Variants in GPATCH2 observed in about 807,000 individuals in gnomAD.
The protein encoded by GPATCH2 is G patch domain-containing protein 2.
In GPATCH2, 51 loss-of-function variants were observed where a neutral mutation model predicts 58.0. The observed-to-expected ratio is 0.88, with a 90% CI of 0.70 to 1.11. The LOEUF is 1.11. Ranked by LOEUF, GPATCH2 falls within the 50% of genes most tolerant of loss-of-function variation. GPATCH2 has a pLI of 0.00. For synonymous variants in GPATCH2, 222 were observed against 218.5 expected, an observed-to-expected ratio of 1.02 and a Z score of -0.14; for missense variants, 625 against 652.2, an observed-to-expected ratio of 0.96 and a Z score of 0.45.
At chr1:217,443,076 T>A (rs1659223013) in intron 9 of GPATCH2, among the ~76,000 whole-genome samples, 1 of 152,200 alleles carries the variant, frequency 6.6e-6, no homozygotes, top group Admixed American at 6.5e-5. Flanking sequence ...ACATCCAAAT[T>A]AATCATCTAC....
intron 8 of GPATCH2, among the ~76,000 whole-genome samples, chr1:217,460,192 A>C (rs1449078826): frequency 6.6e-6 from 1 of 152,182 alleles, no homozygotes; most frequent in Admixed American, 6.5e-5. Flanking sequence ...GAAGTCCAGA[A>C]CTGTTACTTG....
At chr1:217,604,950 G>A (rs1430526174) in intron 5 of GPATCH2, among the ~76,000 whole-genome samples, 1 of 151,994 alleles carries the variant, frequency 6.6e-6, no homozygotes, top group Non-Finnish European at 1.5e-5. Flanking sequence ...GCCTGACCCT[G>A]GGAGACAAAG....
At position 217,613,003 on chromosome 1, in the gene GPATCH2, G is replaced by C. The variant is rs544137150; in HGVS notation, c.835+1138C>G. Among the ~76,000 whole-genome samples, 4 of 152,136 alleles carry C rather than the reference G, an allele frequency of 2.6e-5. No individual in the cohort carries two copies. In the South Asian group the frequency reaches 6.2e-4, roughly 24 times the overall value. The stretch of plus-strand genomic sequence containing the variant: ...AGCCTTTCCATACTTATCAAAGATT[G>C]ACAGGCTTGTCAAAGTTTTTTTTTA... On this transcript the variant is annotated intron_variant, in intron 3 of 9. Coordinates refer to ENST00000366935, the MANE Select transcript of GPATCH2 (RefSeq NM_018040.5).
intron 5 of GPATCH2, among the ~76,000 whole-genome samples, chr1:217,566,830 A>T (rs1235372489): frequency 6.6e-6 from 1 of 152,234 alleles, no homozygotes; most frequent in Non-Finnish European, 1.5e-5. Flanking sequence ...AATAGAATAT[A>T]GACTGTTTTG....
At chr1:217,585,471 A>C (rs1047081677) in intron 5 of GPATCH2, among the ~76,000 whole-genome samples, 13 of 152,090 alleles carry the variant, frequency 8.5e-5, no homozygotes, top group Non-Finnish European at 1.5e-4. Flanking sequence ...AAATACAAAA[A>C]TTAGCTGGTG....
At chr1:217,533,069 AT>A (rs924720139) in intron 5 of GPATCH2, among the ~76,000 whole-genome samples, 440 of 140,458 alleles carry the variant, frequency 3.1e-3, no homozygotes, top group Middle Eastern at 3.5e-3. Context: ...CACCTGGCTA[AT>A]TTTTTTTTTT....
chr1:217,530,604 G>A (rs1664139896), intron 5 of GPATCH2, among the ~76,000 whole-genome samples: 1 of 151,846 alleles, frequency 6.6e-6, no homozygotes, highest in Admixed American at 6.6e-5. Context: ...TATTTATTGG[G>A]GCCATCACCA....
Position 217,631,049 on chromosome 1 carries a change from AAG to A in GPATCH2, c.-80_-79del. On this transcript the variant is annotated 5_prime_UTR_variant, in exon 1 of 10. An upstream open reading frame in the 5' UTR loses its in-frame stop. Coordinates refer to ENST00000366935, the MANE Select transcript of GPATCH2 (RefSeq NM_018040.5). ...ACTACAACAGCACCGGCGACTTCCA[AAG>A]AGCAGTTCAGCATTTTGAGATGAGC... The A allele has an allele frequency of 7.3e-7, 1 of 1,364,570 alleles. No individual in the cohort carries two copies. The allele number at this position is 1,364,570 out of a possible 1,614,324, so 84.5% of individuals were successfully genotyped here. A position where few individuals can be genotyped will look rare whatever the true frequency, so the allele number is the denominator to read the frequency against.
At chr1:217,613,043 AT>A (rs1405701435) in intron 3 of GPATCH2, among the ~76,000 whole-genome samples, 1 of 151,926 alleles carries the variant, frequency 6.6e-6, no homozygotes, top group African/African-American at 2.4e-5. Context: ...TTTTCATTTC[AT>A]TTTATTTCAT....
rs12125400 is a variant in GPATCH2, at chr1:217,624,452, G to A, written c.57-3953C>T. On this transcript the variant is annotated intron_variant, in intron 1 of 9. Transcript: ENST00000366935. ...AGAATCACTTGAACCAGGAGGCGGA[G>A]GCTGTAGTGAGCCAAGATCATGCCA... Among the ~76,000 whole-genome samples, 787 of 152,338 alleles carry A rather than the reference G, an allele frequency of 5.2e-3. 1 individual carries two copies. Among genetic ancestry groups the A allele is most frequent in the Admixed American group, 0.012 (184 of 15,304 alleles).
chr1:217,491,946 CAAGTTTTTCTTTTTAA>C (rs1156801231), intron 7 of GPATCH2, among the ~76,000 whole-genome samples, 196 bp from the exon 8 acceptor site: 1 of 149,644 alleles, frequency 6.7e-6, no homozygotes, highest in African/African-American at 2.5e-5. Flanking sequence ...TTCAGGGAGA[CAAGTTTTTCTTTTTAA>C]AATTCATTCT....
At chr1:217,613,573 A>G (rs1001979889) in intron 3 of GPATCH2, among the ~76,000 whole-genome samples, 2 of 152,058 alleles carry the variant, frequency 1.3e-5, no homozygotes, top group Non-Finnish European at 2.9e-5. Context: ...GTTTTTTTAA[A>G]TTTTTCATAG....
chr1:217,567,986 G>A (rs11807177), intron 5 of GPATCH2, among the ~76,000 whole-genome samples: 2,147 of 152,190 alleles, frequency 0.014, 44 homozygotes, highest in African/African-American at 0.048. Context: ...GCACGGTGGC[G>A]GGCGCCTGCA....
chr1:217,608,612 C>T (rs1668474308), intron 5 of GPATCH2: 3 of 985,188 alleles, frequency 3.0e-6, no homozygotes, highest in Non-Finnish European at 3.6e-6. Context: ...ATAGGTAAAA[C>T]TGAACCAAGA....
At chr1:217,508,083 G>A (rs1016244368) in intron 6 of GPATCH2, among the ~76,000 whole-genome samples, 8 of 151,898 alleles carry the variant, frequency 5.3e-5, no homozygotes, top group Non-Finnish European at 8.8e-5. Flanking sequence ...AAATATATAA[G>A]AAAGGACTGT....
chr1:217,604,644 T>A (rs887582881), intron 5 of GPATCH2, among the ~76,000 whole-genome samples: 11 of 152,214 alleles, frequency 7.2e-5, no homozygotes, highest in African/African-American at 2.4e-4. Context: ...CTGTATTTTT[T>A]AAAATCATTT....
intron 5 of GPATCH2, among the ~76,000 whole-genome samples, chr1:217,572,705 A>G (rs1054403063): frequency 6.6e-6 from 1 of 152,164 alleles, no homozygotes; most frequent in Non-Finnish European, 1.5e-5. Flanking sequence ...GAATTACCAA[A>G]TCTCTTTTAA....
intron 5 of GPATCH2, among the ~76,000 whole-genome samples, chr1:217,526,771 A>G (rs901847346): frequency 5.3e-5 from 8 of 152,230 alleles, no homozygotes; most frequent in Admixed American, 5.2e-4. Context: ...GGTGAGCAAC[A>G]GACGAGCAAG....
chr1:217,444,315 T>G (rs977063825), intron 9 of GPATCH2, among the ~76,000 whole-genome samples: 8 of 152,160 alleles, frequency 5.3e-5, no homozygotes, highest in Non-Finnish European at 1.0e-4. Flanking sequence ...ACGGGGGAAC[T>G]AACGAACATG....
Sources: allele counts gnomAD v4.1 joint callset (sites outside exome capture counted in the v4.1 genomes callset), GRCh38; gene constraint gnomAD v4.1.1; transcripts MANE v1.5; gene names NCBI Gene and HGNC (gene_info 2026-07-23, HGNC 2026-07-21).